The following ZBTB42 variants were observed in gnomAD, a reference collection of about 807,000 sequenced individuals.
The protein encoded by ZBTB42 is zinc finger and BTB domain containing 42, also known as zinc finger and BTB domain-containing protein 42.
ZBTB42 carries 3 observed loss-of-function variants against 4.7 expected under a neutral mutation model. The ratio of observed to expected loss-of-function variants is 0.64; its 90% CI spans 0.29 to 1.66. ZBTB42 has a LOEUF of 1.66. Among genes scored for constraint, ZBTB42 ranks in the 40% most tolerant of loss-of-function variants. The pLI is 0.10. For missense variants in ZBTB42, 521 were observed against 577.1 expected, an observed-to-expected ratio of 0.90 and a Z score of 1.00; for synonymous variants, 255 against 259.5, an observed-to-expected ratio of 0.98 and a Z score of 0.17.
chr14:104,801,223 G>A lies in ZBTB42; in HGVS notation c.26G>A (p.Arg9Gln). The A allele has an allele frequency of 6.9e-7, 1 of 1,448,220 alleles. No individual in the cohort carries two copies. The highest frequency in any genetic ancestry group is 9.1e-7 in the Non-Finnish European group (1 of 1,103,684). 89.7% of individuals were successfully genotyped at this position (1,448,220 alleles called of 1,614,324 possible). ...ATGGAGTTCCCTGAGCACGGCGGAC[G>A]GCTGCTGGGCCGCCTGAGACAGCAG... Reference protein sequence around the residue: MEFPEHGGRLLGRLRQQRE... With the variant: MEFPEHGGQLLGRLRQQRE... Residue 9 changes from arginine (R) to glutamine (Q), a missense_variant, in exon 1 of 1, where the codon CGG becomes CAG. By Grantham distance (43) the Arg-to-Gln change is conservative (BLOSUM62 1). Transcript: ENST00000342537. This position sits in a 1 kb window ranked among gnomAD's most constrained non-coding sequence, Gnocchi z 4.4.
upstream of ZBTB42, chr14:104,800,961 C>G (rs1027895137): frequency 1.4e-5 from 6 of 420,918 alleles, no homozygotes; most frequent in Admixed American, 1.8e-4. This position sits in a 1 kb window ranked among gnomAD's most constrained non-coding sequence, Gnocchi z 5.3. Flanking sequence ...TTGCGCGGCT[C>G]CGGCTCCTGC....
Position 104,802,074 on chromosome 14 carries a change from C to A in ZBTB42, c.877C>A (p.Leu293Ile), listed in dbSNP as rs1275176987. ...SEDELGPGGP[L>I]CICPLCSKLF... is the part of the protein sequence containing the mutation. ...GGACGAGCTGGGGCCTGGTGGGCCC[C>A]TCTGCATCTGCCCGTTGTGCAGCAA... The change falls in exon 1 of 1, where the codon CTC becomes ATC. Residue 293 changes from leucine (L) to isoleucine (I), a missense_variant. Coordinates refer to ENST00000342537, the MANE Select transcript of ZBTB42 (RefSeq NM_001137601.3). The surrounding 1 kb of genome is among the most constrained non-coding windows in gnomAD (Gnocchi z 5.9). 1 of 1,509,030 alleles carries A rather than the reference C, an allele frequency of 6.6e-7. No homozygotes were observed. The highest frequency in any genetic ancestry group is 2.5e-5 in the East Asian group (1 of 40,530). The allele number at this position is 1,509,030 out of a possible 1,614,324, so 93.5% of individuals were successfully genotyped here. A position where few individuals can be genotyped will look rare whatever the true frequency, so the allele number is the denominator to read the frequency against.
upstream of ZBTB42, chr14:104,800,920 C>A (rs1376210660): frequency 9.8e-6 from 3 of 306,858 alleles, no homozygotes; most frequent in African/African-American, 4.3e-5. This position sits in a 1 kb window ranked among gnomAD's most constrained non-coding sequence, Gnocchi z 5.3. Context: ...GAGTGAAGTT[C>A]AGGAGCGCCC....
Position 104,801,435 on chromosome 14 carries a change from C to G in ZBTB42, c.238C>G (p.Leu80Val). Reference protein sequence around the residue: ...IVTAPAFGRLLDFMYEGRLDL... With the variant: ...IVTAPAFGRLVDFMYEGRLDL... ...CACGGCGCCCGCCTTCGGCCGCCTA[C>G]TGGACTTCATGTACGAGGGCCGCCT... is the stretch of plus-strand genomic sequence containing the variant. Residue 80 changes from leucine to valine, a missense_variant, in exon 1 of 1, where the codon CTG becomes GTG. Coordinates refer to ENST00000342537, the MANE Select transcript of ZBTB42 (RefSeq NM_001137601.3). The surrounding 1 kb of genome is among the most constrained non-coding windows in gnomAD (Gnocchi z 4.4). 1 of 1,549,888 alleles carries G rather than the reference C, an allele frequency of 6.5e-7. No individual in the cohort carries two copies.
rs1396954734 is a variant in ZBTB42 at position 104,801,872 on chromosome 14, C to T, written c.675C>T (p.Asp225=). 4.0e-5 allele frequency: 62 copies of T among 1,549,540 alleles called. No individual in the cohort carries two copies. The highest frequency in any genetic ancestry group is 5.3e-5 in the Non-Finnish European group (61 of 1,146,894). Residue 225 remains aspartate, a synonymous_variant, in exon 1 of 1, where the codon GAC becomes GAT. Transcript: ENST00000342537. The surrounding 1 kb of genome is among the most constrained non-coding windows in gnomAD (Gnocchi z 4.4). ...CAGGGGCCCAGCCACTGGTGAAGGA[C>T]GAACGGGACTCACTGTCCGAACAGG... ...RQPGAQPLVK[D]ERDSLSEQEE...
chr14:104,803,220 G>A lies in ZBTB42; in HGVS notation c.*754G>A, dbSNP rs550821596. ...TGACCACACTGTAACTTTGAGCAGA[G>A]AAAGTGGGAATTTGGAACTGGATTC... is the stretch of plus-strand genomic sequence containing the variant. On this transcript the variant is annotated 3_prime_UTR_variant, in exon 1 of 1. Transcript: ENST00000342537. The A allele has an allele frequency of 6.0e-6, 1 of 167,084 alleles. No individual in the cohort carries two copies. Among genetic ancestry groups the A allele is most frequent in the African/African-American group, 2.4e-5 (1 of 41,592 alleles). The allele number at this position is 167,084 out of a possible 1,614,324, so 10.4% of individuals were successfully genotyped here. A position where few individuals can be genotyped will look rare whatever the true frequency, so the allele number is the denominator to read the frequency against.
In ZBTB42 at chr14:104,802,161, A is replaced by C. The variant is rs984585768; in HGVS notation, c.964A>C (p.Ser322Arg). ...CAGTGCCCACTTCCGTGAGCGAGAC[A>C]GCACCCGGGCCCGGCTCTCACCCGA... is the stretch of plus-strand genomic sequence containing the variant. ...HLSAHFRERD[S>R]TRARLSPDGV... The change falls in exon 1 of 1, where the codon AGC becomes CGC. Residue 322 changes from serine (S) to arginine (R), a missense_variant. Transcript: ENST00000342537. This position sits in a 1 kb window ranked among gnomAD's most constrained non-coding sequence, Gnocchi z 5.9. 6.5e-7 allele frequency: 1 copy of C among 1,547,842 alleles called. No homozygotes were observed. Among genetic ancestry groups the C allele is most frequent in the African/African-American group, 1.4e-5 (1 of 73,056 alleles).
rs1555386337 is a variant in ZBTB42 at position 104,803,071 on chromosome 14, T to TCG, written c.*605_*606insCG. On this transcript the variant is annotated 3_prime_UTR_variant, in exon 1 of 1. Transcript: ENST00000342537. The stretch of plus-strand genomic sequence containing the variant: ...TCTGGGCACAGCTGGTGTCTCGGGG[T>TCG]GGGGGGGGGGGTGCAGCCCCAGCAG... 2.1e-3 allele frequency: 165 copies of TCG among 77,852 alleles called. 3 individuals carry two copies. Among genetic ancestry groups the TCG allele is most frequent in the Non-Finnish European group, 3.0e-3 (119 of 39,344 alleles). The allele number at this position is 77,852 out of a possible 1,614,324, so 4.8% of individuals were successfully genotyped here. A position where few individuals can be genotyped will look rare whatever the true frequency, so the allele number is the denominator to read the frequency against.
chr14:104,801,738 C>G lies in ZBTB42; in HGVS notation c.541C>G (p.Pro181Ala). Residue 181 changes from proline (P) to alanine (A), a missense_variant, in exon 1 of 1, where the codon CCA (proline) becomes GCA (alanine). By Grantham distance (27) the Pro-to-Ala change is conservative. Coordinates refer to ENST00000342537, the MANE Select transcript of ZBTB42 (RefSeq NM_001137601.3). This position sits in a 1 kb window ranked among gnomAD's most constrained non-coding sequence, Gnocchi z 4.4. Reference protein sequence around the residue: ...RASGPPPCQVPEESDQALDLS... With the variant: ...RASGPPPCQVAEESDQALDLS... ...ATCTGGGCCTCCTCCCTGCCAGGTC[C>G]CAGAAGAGTCAGACCAGGCCCTGGA... The G allele has an allele frequency of 4.5e-6, 7 of 1,549,960 alleles. No homozygotes were observed. Among genetic ancestry groups the G allele is most frequent in the Non-Finnish European group, 6.1e-6 (7 of 1,146,786 alleles).
In ZBTB42 at chr14:104,801,491, C is replaced by A. The variant is rs1232728523; in HGVS notation, c.294C>A (p.Val98=). 1 of 1,550,230 alleles carries A rather than the reference C, an allele frequency of 6.5e-7. No individual in the cohort carries two copies. Reference sequence around the variant, plus strand: ...TGCGCAGCCTGCCTGTGGAGGACGTCCTGGCAGCCGCCAGCTACCTGCACA... The same window carrying A: ...TGCGCAGCCTGCCTGTGGAGGACGTACTGGCAGCCGCCAGCTACCTGCACA... The part of the protein sequence containing the change: ...LDLRSLPVED[V]LAAASYLHMY... The change falls in exon 1 of 1, where the codon GTC becomes GTA. Residue 98 remains valine, a synonymous_variant. Transcript: ENST00000342537. The surrounding 1 kb of genome is among the most constrained non-coding windows in gnomAD (Gnocchi z 4.4).
chr14:104,801,386 G>T lies in ZBTB42; in HGVS notation c.189G>T (p.Thr63=). ...YRDRPAGSRD[T]VRLNGDIVTA... ...ACCGGCCCGCGGGCAGTCGCGACACGGTGCGGCTCAACGGCGACATCGTCA... is the reference window on the plus strand; with the variant it reads ...ACCGGCCCGCGGGCAGTCGCGACACTGTGCGGCTCAACGGCGACATCGTCA... Residue 63 remains threonine (T), a synonymous_variant, in exon 1 of 1, where the codon ACG becomes ACT. Transcript: ENST00000342537. The surrounding 1 kb of genome is among the most constrained non-coding windows in gnomAD (Gnocchi z 4.4). 3 of 1,546,910 alleles carry T rather than the reference G, an allele frequency of 1.9e-6. No individual in the cohort carries two copies. Among genetic ancestry groups the T allele is most frequent in the Non-Finnish European group, 2.6e-6 (3 of 1,144,976 alleles).
At position 104,802,399 on chromosome 14, in the gene ZBTB42, A is replaced by T; in HGVS notation, c.1202A>T (p.Gln401Leu). The T allele has an allele frequency of 6.4e-7, 1 of 1,550,984 alleles. No homozygotes were observed. The highest frequency in any genetic ancestry group is 8.7e-7 in the Non-Finnish European group (1 of 1,147,200). ...ACRWCERRFT[Q>L]SGDLYRHVRK... The stretch of plus-strand genomic sequence containing the variant: ...CGGTGGTGTGAGCGCCGTTTCACGC[A>T]GTCCGGGGACCTCTACCGCCACGTC... The change falls in exon 1 of 1, where the codon CAG (glutamine) becomes CTG (leucine). Residue 401 changes from glutamine (Q) to leucine (L), a missense_variant. Coordinates refer to ENST00000342537, the MANE Select transcript of ZBTB42 (RefSeq NM_001137601.3). This position sits in a 1 kb window ranked among gnomAD's most constrained non-coding sequence, Gnocchi z 5.9.
chr14:104,801,235 G>A lies in ZBTB42; in HGVS notation c.38G>A (p.Arg13His), dbSNP rs1170635717. ...GAGCACGGCGGACGGCTGCTGGGCCGCCTGAGACAGCAGCGCGAGCTGGGC... is the reference window on the plus strand; with the variant it reads ...GAGCACGGCGGACGGCTGCTGGGCCACCTGAGACAGCAGCGCGAGCTGGGC... ...FPEHGGRLLG[R>H]LRQQRELGFL... The change falls in exon 1 of 1, where the codon CGC (arginine) becomes CAC (histidine). Residue 13 changes from arginine (R) to histidine (H), a missense_variant. By Grantham distance (29) the Arg-to-His change is conservative. Transcript: ENST00000342537. This position sits in a 1 kb window ranked among gnomAD's most constrained non-coding sequence, Gnocchi z 4.4. 2 of 1,473,272 alleles carry A rather than the reference G, an allele frequency of 1.4e-6. No individual in the cohort carries two copies. The highest frequency in any genetic ancestry group is 1.8e-6 in the Non-Finnish European group (2 of 1,114,774). The allele number at this position is 1,473,272 out of a possible 1,614,324, so 91.3% of individuals were successfully genotyped here. A position where few individuals can be genotyped will look rare whatever the true frequency, so the allele number is the denominator to read the frequency against.
chr14:104,804,440 A>C lies in ZBTB42; in HGVS notation c.*1974A>C, dbSNP rs955655741. ...ATTTTATAACTGACACAGTTGGGACAAAATATATACGTGTACATATATTTA... is the reference window on the plus strand; with the variant it reads ...ATTTTATAACTGACACAGTTGGGACCAAATATATACGTGTACATATATTTA... On this transcript the variant is annotated 3_prime_UTR_variant, in exon 1 of 1. Transcript: ENST00000342537. 1.8e-5 allele frequency: 3 copies of C among 166,928 alleles called. No individual in the cohort carries two copies. Among genetic ancestry groups the C allele is most frequent in the Non-Finnish European group, 4.4e-5 (3 of 68,130 alleles). 10.3% of individuals were successfully genotyped at this position (166,928 alleles called of 1,614,324 possible).
In ZBTB42 at chr14:104,801,324, G is replaced by C; in HGVS notation, c.127G>C (p.Ala43Pro). The change falls in exon 1 of 1, where the codon GCC becomes CCC. Residue 43 changes from alanine (A) to proline (P), a missense_variant. Physicochemically the swap from Ala to Pro is conservative, Grantham distance 27 (BLOSUM62 -1). Transcript: ENST00000342537. This position sits in a 1 kb window ranked among gnomAD's most constrained non-coding sequence, Gnocchi z 4.4. ...CTTCCCGGCCCACCGTGCCGTGCTG[G>C]CCGCGTGCAGCGTCTACTTCCATCT... ...ARFPAHRAVL[A>P]ACSVYFHLFY... 22 of 1,547,642 alleles carry C rather than the reference G, an allele frequency of 1.4e-5. No homozygotes were observed. Among genetic ancestry groups the C allele is most frequent in the Non-Finnish European group, 1.8e-5 (21 of 1,146,186 alleles).
In ZBTB42 at chr14:104,804,442, A is replaced by T. The variant is rs185237454; in HGVS notation, c.*1976A>T. 142 of 166,998 alleles carry T rather than the reference A, an allele frequency of 8.5e-4. No individual in the cohort carries two copies. Among genetic ancestry groups the T allele is most frequent in the Non-Finnish European group, 5.9e-5 (4 of 68,106 alleles). The allele number at this position is 166,998 out of a possible 1,614,324, so 10.3% of individuals were successfully genotyped here. On this transcript the variant is annotated 3_prime_UTR_variant, in exon 1 of 1. Transcript: ENST00000342537. Reference sequence around the variant, plus strand: ...TTTATAACTGACACAGTTGGGACAAAATATATACGTGTACATATATTTAAG... The same window carrying T: ...TTTATAACTGACACAGTTGGGACAATATATATACGTGTACATATATTTAAG...
At position 104,801,373 on chromosome 14, in the gene ZBTB42, G is replaced by T. The variant is rs991583320; in HGVS notation, c.176G>T (p.Gly59Val). Residue 59 changes from glycine (G) to valine (V), a missense_variant, in exon 1 of 1, where the codon GGC (glycine) becomes GTC (valine). Coordinates refer to ENST00000342537, the MANE Select transcript of ZBTB42 (RefSeq NM_001137601.3). The surrounding 1 kb of genome is among the most constrained non-coding windows in gnomAD (Gnocchi z 4.4). ...CTCTTCTACAGGGACCGGCCCGCGG[G>T]CAGTCGCGACACGGTGCGGCTCAAC... ...FHLFYRDRPA[G>V]SRDTVRLNGD... 2 of 1,546,906 alleles carry T rather than the reference G, an allele frequency of 1.3e-6. No homozygotes were observed. Among genetic ancestry groups the T allele is most frequent in the African/African-American group, 2.7e-5 (2 of 72,958 alleles).
In ZBTB42 at chr14:104,802,399, A is replaced by G. The variant is rs1328796265; in HGVS notation, c.1202A>G (p.Gln401Arg). Residue 401 changes from glutamine to arginine, a missense_variant, in exon 1 of 1, where the codon CAG becomes CGG. Gln to Arg is a conservative substitution (Grantham distance 43, BLOSUM62 1). Coordinates refer to ENST00000342537, the MANE Select transcript of ZBTB42 (RefSeq NM_001137601.3). The surrounding 1 kb of genome is among the most constrained non-coding windows in gnomAD (Gnocchi z 5.9). ...CGGTGGTGTGAGCGCCGTTTCACGC[A>G]GTCCGGGGACCTCTACCGCCACGTC... ...ACRWCERRFT[Q>R]SGDLYRHVRK... The G allele has an allele frequency of 2.6e-6, 4 of 1,550,984 alleles. No individual in the cohort carries two copies. The East Asian group carries it at 7.3e-5, about 28-fold the overall frequency.
rs567670112 is a variant in ZBTB42 at position 104,804,700 on chromosome 14, C to A, written c.*2234C>A. The A allele has an allele frequency of 6.0e-6, 1 of 165,496 alleles. No homozygotes were observed. Among genetic ancestry groups the A allele is most frequent in the African/African-American group, 2.4e-5 (1 of 41,574 alleles). The allele number at this position is 165,496 out of a possible 1,614,324, so 10.3% of individuals were successfully genotyped here. A position where few individuals can be genotyped will look rare whatever the true frequency, so the allele number is the denominator to read the frequency against. ...ATCATGGCGACAGTAATAAAGCCCA[C>A]CTCCAGTGGAAACGGCAGTGACTAT... On this transcript the variant is annotated 3_prime_UTR_variant, in exon 1 of 1. Transcript: ENST00000342537.
Sources: gnomAD v4.1 joint callset for allele counts on GRCh38, gnomAD v4.1.1 for gene constraint, Gnocchi (gnomAD v3.1) non-coding constraint, MANE v1.5 for transcripts, NCBI Gene and HGNC (gene_info 2026-07-23, HGNC 2026-07-21) for gene names.